GAS7: variants seen among roughly 807,000 people sequenced by gnomAD.
The protein encoded by GAS7 is growth arrest specific 7, also known as growth arrest-specific protein 7.
In GAS7, 28 loss-of-function variants were observed where a neutral mutation model predicts 71.1. The observed-to-expected ratio is 0.39, with a 90% CI of 0.29 to 0.54. The LOEUF (loss-of-function observed/expected upper bound fraction) is 0.54. GAS7 is among the 20% of genes least tolerant of loss of function. The probability of loss-of-function intolerance (pLI) is 0.62; values close to 1 mark genes in which losing one functional copy is unlikely to be tolerated. For missense variants in GAS7, 436 were observed against 627.8 expected, an observed-to-expected ratio of 0.69 and a Z score of 3.27; for synonymous variants, 258 against 245.8, an observed-to-expected ratio of 1.05 and a Z score of -0.46.
chr17:10,042,236 A>G (rs1230748969), intron 1 of GAS7, among the ~76,000 whole-genome samples: 1 of 149,388 alleles, frequency 6.7e-6, no homozygotes, highest in African/African-American at 2.5e-5. Context: ...CAGAGGTTGC[A>G]GTGAGCTGAG....
rs574943655 is a variant in GAS7, at chr17:9,969,453, C to G, written c.471+224G>C. Among the ~76,000 whole-genome samples, 1 of 152,272 alleles carries G rather than the reference C, an allele frequency of 6.6e-6. No homozygotes were observed. The highest frequency in any genetic ancestry group is 1.5e-5 in the Non-Finnish European group (1 of 68,014). ...TGGTTTCAACCCCATCACCGTCAACCCCTCCTCCAAACCACCCTCGACTTC... is the reference window on the plus strand; with the variant it reads ...TGGTTTCAACCCCATCACCGTCAACGCCTCCTCCAAACCACCCTCGACTTC... On this transcript the variant is annotated intron_variant, in intron 4 of 13. Transcript: ENST00000432992. The surrounding 1 kb of genome is among the most constrained non-coding windows in gnomAD (Gnocchi z 5.5).
chr17:10,151,315 G>T (rs916655256), intron 1 of GAS7, among the ~76,000 whole-genome samples: 3 of 151,684 alleles, frequency 2.0e-5, no homozygotes, highest in Non-Finnish European at 4.4e-5. Context: ...AAAGGGTTTC[G>T]TTTGCTTGTT....
At chr17:10,141,408 G>A (rs755559612) in intron 1 of GAS7, among the ~76,000 whole-genome samples, 39 of 151,996 alleles carry the variant, frequency 2.6e-4, no homozygotes, top group Middle Eastern at 6.8e-3. Context: ...AGATCGCACC[G>A]GTGCACTCCA....
At chr17:10,123,529 A>G (rs1755411861) in intron 1 of GAS7, among the ~76,000 whole-genome samples, 1 of 152,186 alleles carries the variant, frequency 6.6e-6, no homozygotes, top group Non-Finnish European at 1.5e-5. Context: ...TTCCATCTTG[A>G]GCCTCAGACA....
At chr17:10,162,124 G>A (rs1236487369) in intron 1 of GAS7, among the ~76,000 whole-genome samples, 1 of 150,560 alleles carries the variant, frequency 6.6e-6, no homozygotes, top group Non-Finnish European at 1.5e-5. Flanking sequence ...CCCTTCCGAA[G>A]GCTCCCAGTC....
chr17:9,935,923 T>C (rs1161077540), intron 8 of GAS7, among the ~76,000 whole-genome samples: 2 of 152,046 alleles, frequency 1.3e-5, no homozygotes, highest in Non-Finnish European at 2.9e-5. Flanking sequence ...AACAGGTGGG[T>C]AGGAGGTCCA....
At chr17:10,151,695 C>T (rs535011448) in intron 1 of GAS7, among the ~76,000 whole-genome samples, 63 of 152,274 alleles carry the variant, frequency 4.1e-4, no homozygotes, top group Non-Finnish European at 5.1e-4. Context: ...CAGGTGTACA[C>T]CACCATGCCC....
At chr17:9,997,253 C>CG (rs371944232) in intron 2 of GAS7, among the ~76,000 whole-genome samples, 3,655 of 37,090 alleles carry the variant, frequency 0.099, 80 homozygotes, top group South Asian at 0.28. Context: ...CGGGTGGGGG[C>CG]GGGGGCGGTG....
chr17:9,978,160 G>A (rs1164234949), intron 3 of GAS7, among the ~76,000 whole-genome samples: 1 of 151,994 alleles, frequency 6.6e-6, no homozygotes, highest in Non-Finnish European at 1.5e-5. Context: ...GCTGCAGTGA[G>A]CCATGATCAC....
chr17:9,980,820 A>G (rs62064558), intron 3 of GAS7, among the ~76,000 whole-genome samples: 41,370 of 151,984 alleles, frequency 0.27, 5,836 homozygotes, highest in Middle Eastern at 0.35. Flanking sequence ...AAGTGACTGC[A>G]TGAGGGCTCA....
chr17:10,002,931 T>C (rs951013757), intron 2 of GAS7, among the ~76,000 whole-genome samples: 30 of 152,308 alleles, frequency 2.0e-4, no homozygotes, highest in Admixed American at 1.7e-3. Flanking sequence ...TACCCAGCAA[T>C]AGGATGGCTG....
chr17:10,073,105 A>C, intron 1 of GAS7, among the ~76,000 whole-genome samples: 1 of 152,158 alleles, frequency 6.6e-6, no homozygotes, highest in Admixed American at 6.5e-5. Flanking sequence ...TGGGATTTTG[A>C]TTGCATACAC....
intron 1 of GAS7, among the ~76,000 whole-genome samples, chr17:10,097,817 G>A (rs1336848318): frequency 6.6e-6 from 1 of 152,142 alleles, no homozygotes; most frequent in African/African-American, 2.4e-5. Context: ...GCCGAGGCGG[G>A]CAGATCACCT....
chr17:10,107,746 C>G (rs61260855), intron 1 of GAS7, among the ~76,000 whole-genome samples: 38 of 115,674 alleles, frequency 3.3e-4, no homozygotes, highest in Admixed American at 6.1e-4. Context: ...ACACAGTCCA[C>G]TGGTGGTGAG....
rs2074154675 is a variant in GAS7, at chr17:10,150,335, C to T, written c.183+47873G>A. Among the ~76,000 whole-genome samples, 3 of 152,094 alleles carry T rather than the reference C, an allele frequency of 2.0e-5. No homozygotes were observed. The South Asian group carries it at 6.2e-4, about 32-fold the overall frequency. On this transcript the variant is annotated intron_variant, in intron 1 of 13. Coordinates refer to ENST00000432992, the MANE Select transcript of GAS7 (RefSeq NM_201433.2). Reference sequence around the variant, plus strand: ...TTCAACTTTCCGTTTTCCTTTCTCCCTTCCGCCCATTCCCCTTTGACTCTT... The same window carrying T: ...TTCAACTTTCCGTTTTCCTTTCTCCTTTCCGCCCATTCCCCTTTGACTCTT...
At chr17:10,062,075 G>A (rs7225818) in intron 1 of GAS7, among the ~76,000 whole-genome samples, 2,507 of 152,266 alleles carry the variant, frequency 0.016, 64 homozygotes, top group African/African-American at 0.056. Context: ...GTTGGTTCCC[G>A]GTGCCCCCGA....
intron 1 of GAS7, among the ~76,000 whole-genome samples, chr17:10,194,514 C>T (rs2074525795): frequency 6.6e-6 from 1 of 152,218 alleles, no homozygotes; most frequent in Non-Finnish European, 1.5e-5. Context: ...AGCTATTTCT[C>T]AGCCTTGATG....
chr17:10,005,050 TACAC>T (rs776237077), intron 2 of GAS7, among the ~76,000 whole-genome samples: 2 of 150,154 alleles, frequency 1.3e-5, no homozygotes, highest in African/African-American at 2.5e-5. Context: ...TACATATATA[TACAC>T]ATATATGTGT....
intron 1 of GAS7, chr17:10,036,346 C>G: frequency 8.8e-7 from 1 of 1,137,592 alleles, no homozygotes; most frequent in Non-Finnish European, 1.3e-6. Context: ...TCAGAGCTGC[C>G]TCTTTACCAT....
Sources: allele counts gnomAD v4.1 joint callset (sites outside exome capture counted in the v4.1 genomes callset), GRCh38; gene constraint gnomAD v4.1.1; non-coding constraint Gnocchi (gnomAD v3.1); transcripts MANE v1.5; gene names NCBI Gene and HGNC (gene_info 2026-07-23, HGNC 2026-07-21).